The following CACNA1I variants were observed in gnomAD, a reference collection of about 807,000 sequenced individuals.
CACNA1I encodes voltage-dependent T-type calcium channel subunit alpha-1I.
Under a neutral mutation model 201.6 loss-of-function variants are expected in CACNA1I, and 74 were observed. The observed-to-expected ratio is 0.37, with a 90% CI of 0.30 to 0.45. The LOEUF is 0.45. Among genes scored for constraint, CACNA1I ranks in the 20% least tolerant of loss-of-function variants. The pLI is 1.00. For missense variants in CACNA1I, 2,346 were observed against 3,138.1 expected, an observed-to-expected ratio of 0.75 and a Z score of 6.03; for synonymous variants, 1,431 against 1,345.2, an observed-to-expected ratio of 1.06 and a Z score of -1.40.
intron 29 of CACNA1I, among the ~76,000 whole-genome samples, chr22:39,674,808 G>T (rs1033181889): frequency 5.3e-5 from 8 of 152,168 alleles, no homozygotes; most frequent in African/African-American, 1.9e-4. Context: ...ACAAGGCACA[G>T]ATACTGCACA....
intron 31 of CACNA1I, 84 bp downstream of exon 31, chr22:39,678,192 C>T (rs904116268): frequency 5.8e-5 from 86 of 1,470,776 alleles, no homozygotes; most frequent in Non-Finnish European, 7.2e-5. Flanking sequence ...GGGCTCTGCC[C>T]ACCCAGGGCC....
chr22:39,608,654 C>T (rs1476588191), intron 3 of CACNA1I, among the ~76,000 whole-genome samples: 2 of 143,272 alleles, frequency 1.4e-5, no homozygotes, highest in African/African-American at 5.2e-5. Flanking sequence ...GCCTGGGCAA[C>T]ATGGTGAAAC....
chr22:39,598,584 G>A (rs991860477), intron 2 of CACNA1I, among the ~76,000 whole-genome samples: 2 of 151,598 alleles, frequency 1.3e-5, no homozygotes, highest in Non-Finnish European at 2.9e-5. Context: ...TCTCCTACCC[G>A]GGTGCCCCCA....
At chr22:39,637,439 C>T (rs907263598) in intron 5 of CACNA1I, among the ~76,000 whole-genome samples, 2 of 152,118 alleles carry the variant, frequency 1.3e-5, no homozygotes, top group Admixed American at 6.5e-5. Context: ...CCCACTGCTG[C>T]GGTGTGGCGT....
intron 7 of CACNA1I, among the ~76,000 whole-genome samples, 187 bp from the exon 8 acceptor site, chr22:39,646,382 T>C (rs532682790): frequency 4.6e-5 from 7 of 151,944 alleles, no homozygotes; most frequent in Non-Finnish European, 1.0e-4. Context: ...CTCCGGTTGG[T>C]CCCTGCCCCT....
chr22:39,670,211 C>T lies in CACNA1I; in HGVS notation c.4368C>T (p.Arg1456=). The part of the protein sequence containing the change: ...ARRREEKRLR[R]LEKKRRKAQR... ...GGCGTGAGGAGAAGCGGCTGCGGCG[C>T]CTGGAGAAGAAGCGCCGGAGTGAGT... The change falls in exon 25 of 37, where the codon CGC becomes CGT. Residue 1456 remains arginine (R), a synonymous_variant. Transcript: ENST00000402142. 6.2e-7 allele frequency: 1 copy of T among 1,613,224 alleles called. No individual in the cohort carries two copies. Among genetic ancestry groups the T allele is most frequent in the Middle Eastern group, 1.7e-4 (1 of 5,904 alleles).
intron 4 of CACNA1I, among the ~76,000 whole-genome samples, chr22:39,628,295 T>G (rs1280539418): frequency 6.6e-6 from 1 of 152,188 alleles, no homozygotes; most frequent in Non-Finnish European, 1.5e-5. Context: ...CCCCAAAGGC[T>G]GACAGCTGCA....
intron 20 of CACNA1I, among the ~76,000 whole-genome samples, chr22:39,664,502 G>A (rs1223237490): frequency 1.3e-5 from 2 of 152,102 alleles, no homozygotes; most frequent in African/African-American, 2.4e-5. Flanking sequence ...CAGAGGCACC[G>A]GGAACCTAAC....
chr22:39,621,251 C>A (rs1601468230), intron 4 of CACNA1I, among the ~76,000 whole-genome samples: 1 of 152,222 alleles, frequency 6.6e-6, no homozygotes, highest in East Asian at 1.9e-4. Context: ...CTGTGTCTGA[C>A]CCCTTGCTTC....
At chr22:39,678,538 G>A (rs755868561) in intron 31 of CACNA1I, among the ~76,000 whole-genome samples, 2 of 152,162 alleles carry the variant, frequency 1.3e-5, no homozygotes, top group African/African-American at 2.4e-5. Context: ...GTAAGGCCTC[G>A]GTTCCGGGGC....
chr22:39,580,855 G>A (rs1033840682), intron 1 of CACNA1I, among the ~76,000 whole-genome samples: 4 of 152,232 alleles, frequency 2.6e-5, no homozygotes, highest in Non-Finnish European at 5.9e-5. Context: ...ACCGATGGAT[G>A]GATTGATCAC....
chr22:39,608,428 C>A (rs1333285621), intron 3 of CACNA1I, among the ~76,000 whole-genome samples: 1 of 151,070 alleles, frequency 6.6e-6, no homozygotes, highest in Non-Finnish European at 1.5e-5. Flanking sequence ...TAGCGAGAGC[C>A]CATTTCTTTA....
intron 1 of CACNA1I, among the ~76,000 whole-genome samples, chr22:39,581,072 C>T (rs1042714089): frequency 6.6e-6 from 1 of 152,208 alleles, no homozygotes; most frequent in African/African-American, 2.4e-5. Context: ...GAAAGTGGAG[C>T]CTAGGCTGGG....
At chr22:39,603,166 A>G (rs995883327) in intron 3 of CACNA1I, among the ~76,000 whole-genome samples, 1 of 151,506 alleles carries the variant, frequency 6.6e-6, no homozygotes, top group African/African-American at 2.4e-5. Context: ...AAAAAAAAAA[A>G]GATTCATGCT....
Position 39,676,732 on chromosome 22 carries a change from G to A in CACNA1I, c.4855-609G>A, listed in dbSNP as rs1456607276. On this transcript the variant is annotated intron_variant, in intron 29 of 36. Transcript: ENST00000402142. The surrounding 1 kb of genome is among the most constrained non-coding windows in gnomAD (Gnocchi z 4.8). ...AAGGAGGCAAATCTGACCTCATGCAGCTGTGTTCCTGCTCTTGAAGATTTC... is the reference window on the plus strand; with the variant it reads ...AAGGAGGCAAATCTGACCTCATGCAACTGTGTTCCTGCTCTTGAAGATTTC... Among the ~76,000 whole-genome samples the A allele has an allele frequency of 6.6e-6, 1 of 152,218 alleles. No homozygotes were observed. Among genetic ancestry groups the A allele is most frequent in the Non-Finnish European group, 1.5e-5 (1 of 68,044 alleles).
At position 39,683,424 on chromosome 22, in the gene CACNA1I, C is replaced by T. The variant is rs1453482252; in HGVS notation, c.5830+763C>T. Among the ~76,000 whole-genome samples, 4 of 152,184 alleles carry T rather than the reference C, an allele frequency of 2.6e-5. No individual in the cohort carries two copies. The East Asian group carries it at 7.7e-4, about 29-fold the overall frequency. The stretch of plus-strand genomic sequence containing the variant: ...GGGCACCCTCCTGAGAGCTGATGGG[C>T]TCTCAGCTGGCCAGGGTGGCTGAGG... On this transcript the variant is annotated intron_variant, in intron 35 of 36. Transcript: ENST00000402142.
chr22:39,670,792 A>G lies in CACNA1I; in HGVS notation c.4388-11A>G, dbSNP rs2146464298. 2 of 1,613,318 alleles carry G rather than the reference A, an allele frequency of 1.2e-6. No homozygotes were observed. Among genetic ancestry groups the G allele is most frequent in the Middle Eastern group, 1.7e-4 (1 of 6,056 alleles). ...CTGTGGTCTTTGCCACTCCCCCTGCACCACCTGCAGAGGCCCAGCGGCTGC... is the reference window on the plus strand; with the variant it reads ...CTGTGGTCTTTGCCACTCCCCCTGCGCCACCTGCAGAGGCCCAGCGGCTGC... On this transcript the variant is annotated splice_polypyrimidine_tract_variant and intron_variant, in intron 25 of 36. Coordinates refer to ENST00000402142, the MANE Select transcript of CACNA1I (RefSeq NM_021096.4).
chr22:39,678,545 G>A (rs1935585834), intron 31 of CACNA1I, among the ~76,000 whole-genome samples: 1 of 152,122 alleles, frequency 6.6e-6, no homozygotes, highest in African/African-American at 2.4e-5. Flanking sequence ...CTCGGTTCCG[G>A]GGCCCTAGGG....
chr22:39,599,394 C>T (rs1226929126), intron 2 of CACNA1I, among the ~76,000 whole-genome samples: 4 of 142,218 alleles, frequency 2.8e-5, no homozygotes, highest in Non-Finnish European at 6.2e-5. Context: ...CCGAGGCGGG[C>T]GGATCACGAG....
Sources: gnomAD v4.1 joint callset for allele counts (sites outside exome capture counted in the v4.1 genomes callset) on GRCh38, gnomAD v4.1.1 for gene constraint, Gnocchi (gnomAD v3.1) non-coding constraint, MANE v1.5 for transcripts, NCBI Gene and HGNC (gene_info 2026-07-23, HGNC 2026-07-21) for gene names.